Variants in HBS1L observed in about 807,000 individuals in gnomAD.
The protein encoded by HBS1L is HBS1 like translational GTPase.
Under a neutral mutation model 88.9 loss-of-function variants are expected in HBS1L, and 55 were observed. That is an observed-to-expected ratio of 0.62 (90% CI 0.50 to 0.77). The LOEUF is 0.77. HBS1L is among the 30% of genes least tolerant of loss of function. HBS1L has a pLI of 0.00. For synonymous variants in HBS1L, 267 were observed against 288.5 expected (o/e 0.93, Z 0.76); for missense variants, 741 against 829.3 (o/e 0.89, Z 1.31).
chr6:134,988,982 C>A (rs1345489939), intron 8 of HBS1L, among the ~76,000 whole-genome samples: 1 of 152,148 alleles, frequency 6.6e-6, no homozygotes, highest in Non-Finnish European at 1.5e-5. Context: ...CCTGTGTGGA[C>A]CATCTTGTGA....
intron 13 of HBS1L, 184 bp from the exon 14 acceptor site, chr6:134,979,452 T>C (rs1774755373): frequency 1.9e-6 from 1 of 537,312 alleles, no homozygotes; most frequent in Non-Finnish European, 3.4e-6. Context: ...GAACTGACTC[T>C]TCTAGAATAC....
chr6:134,970,338 G>A (rs2114747256), intron 15 of HBS1L, among the ~76,000 whole-genome samples: 1 of 152,202 alleles, frequency 6.6e-6, no homozygotes. Flanking sequence ...TCACCACGTT[G>A]GCCAGGCTGG....
intron 5 of HBS1L, among the ~76,000 whole-genome samples, chr6:135,000,912 G>C (rs187662545): frequency 6.6e-6 from 1 of 152,066 alleles, no homozygotes; most frequent in African/African-American, 2.4e-5. Flanking sequence ...GCTTTCTTAA[G>C]ACTAACCCAG....
chr6:135,024,058 A>G (rs1044766346), intron 4 of HBS1L, among the ~76,000 whole-genome samples: 3 of 152,184 alleles, frequency 2.0e-5, no homozygotes, highest in African/African-American at 4.8e-5. Flanking sequence ...ACATAATAAT[A>G]TCTACTCTGT....
At chr6:134,976,753 C>T (rs747608808) in intron 15 of HBS1L, among the ~76,000 whole-genome samples, 5 of 151,832 alleles carry the variant, frequency 3.3e-5, no homozygotes, top group Non-Finnish European at 7.4e-5. Flanking sequence ...GACTCAGTAG[C>T]GGGTAGGGCT....
chr6:135,003,489 C>T (rs1441507924), intron 4 of HBS1L, among the ~76,000 whole-genome samples: 1 of 151,574 alleles, frequency 6.6e-6, no homozygotes, highest in Non-Finnish European at 1.5e-5. Flanking sequence ...ATGGCTTGAG[C>T]CCAGGAGTTT....
chr6:135,028,281 CT>C (rs1292730897), intron 4 of HBS1L, among the ~76,000 whole-genome samples: 22 of 145,164 alleles, frequency 1.5e-4, no homozygotes, highest in Admixed American at 1.2e-3. Context: ...AAAAAAAATG[CT>C]GGGCAGAGAG....
In HBS1L at chr6:134,961,090, C is replaced by T. The variant is rs1471160342; in HGVS notation, c.*4189G>A. On this transcript the variant is annotated 3_prime_UTR_variant, in exon 18 of 18. Coordinates refer to ENST00000367837, the MANE Select transcript of HBS1L (RefSeq NM_006620.4). ...TTGCTGTACAGACTTAGTTTCTTTG[C>T]TTTTTTTTTTTTTTTTTTTGCATTG... is the stretch of plus-strand genomic sequence containing the variant. 27 of 106,218 alleles carry T rather than the reference C, an allele frequency of 2.5e-4. No homozygotes were observed. The highest frequency in any genetic ancestry group is 5.4e-4 in the Admixed American group (5 of 9,208). 6.6% of individuals were successfully genotyped at this position (106,218 alleles called of 1,614,324 possible). A position where few individuals can be genotyped will look rare whatever the true frequency, so the allele number is the denominator to read the frequency against.
In HBS1L at chr6:135,054,815, T is replaced by C; in HGVS notation, c.-124A>G. 8.2e-7 allele frequency: 1 copy of C among 1,220,130 alleles called. No individual in the cohort carries two copies. Among genetic ancestry groups the C allele is most frequent in the South Asian group, 1.3e-5 (1 of 75,746 alleles). 75.6% of individuals were successfully genotyped at this position (1,220,130 alleles called of 1,614,324 possible). A position where few individuals can be genotyped will look rare whatever the true frequency, so the allele number is the denominator to read the frequency against. ...GCGCCATCTTGGCTTCCCGCAGGCC[T>C]CTGCGCCGAGCGCCTGCGCAAGCGC... On this transcript the variant is annotated 5_prime_UTR_variant, in exon 1 of 18. Transcript: ENST00000367837.
chr6:135,049,984 C>T (rs1408539567), intron 2 of HBS1L, among the ~76,000 whole-genome samples: 1 of 152,236 alleles, frequency 6.6e-6, no homozygotes, highest in Non-Finnish European at 1.5e-5. Context: ...GGATTAATGA[C>T]TCAGCCTTTG....
At chr6:134,971,182 A>G (rs1774474856) in intron 15 of HBS1L, among the ~76,000 whole-genome samples, 2 of 152,086 alleles carry the variant, frequency 1.3e-5, no homozygotes, top group Admixed American at 6.5e-5. Flanking sequence ...ATGGCATTTG[A>G]GGAGTCAGAA....
At chr6:135,021,734 G>A (rs181923271) in intron 4 of HBS1L, among the ~76,000 whole-genome samples, 195 of 152,222 alleles carry the variant, frequency 1.3e-3, no homozygotes, top group African/African-American at 4.3e-3. Context: ...AAAGGGCACT[G>A]GAGATTCAAA....
intron 4 of HBS1L, among the ~76,000 whole-genome samples, chr6:135,014,257 C>T: frequency 6.6e-6 from 1 of 152,310 alleles, no homozygotes; most frequent in South Asian, 2.1e-4. Context: ...AAAATTACAA[C>T]AGTCCATAAA....
chr6:134,966,549 A>G, intron 16 of HBS1L, 76 bp from the exon 17 acceptor site: 1 of 977,566 alleles, frequency 1.0e-6, no homozygotes, highest in Non-Finnish European at 1.4e-6. Flanking sequence ...TGAAAAACAA[A>G]TATTTCACAT....
At chr6:135,009,859 T>C (rs1027227763) in intron 4 of HBS1L, among the ~76,000 whole-genome samples, 5 of 151,804 alleles carry the variant, frequency 3.3e-5, no homozygotes, top group Admixed American at 2.6e-4. Context: ...CTCGATCTCC[T>C]GACCTCGTGA....
intron 4 of HBS1L, chr6:135,036,472 T>C: frequency 7.3e-7 from 1 of 1,370,710 alleles, no homozygotes; most frequent in Middle Eastern, 2.0e-4. Flanking sequence ...AATCAGAATT[T>C]GAATCCCATA....
At chr6:134,996,707 A>G in intron 7 of HBS1L, 70 bp downstream of exon 7, 1 of 1,071,092 alleles carries the variant, frequency 9.3e-7, no homozygotes, top group Non-Finnish European at 1.3e-6. Context: ...TACAAATTCA[A>G]CACATATTAC....
chr6:135,018,102 C>T (rs935088200), intron 4 of HBS1L, among the ~76,000 whole-genome samples: 1 of 151,756 alleles, frequency 6.6e-6, no homozygotes, highest in African/African-American at 2.4e-5. Flanking sequence ...TACACACACA[C>T]AAATTAAGAT....
At chr6:134,969,685 G>A (rs1167318002) in intron 15 of HBS1L, among the ~76,000 whole-genome samples, 1 of 152,162 alleles carries the variant, frequency 6.6e-6, no homozygotes, top group African/African-American at 2.4e-5. Context: ...AACAAATGTT[G>A]TTGTCATTTT....
Sources: gnomAD v4.1 joint callset for allele counts (sites outside exome capture counted in the v4.1 genomes callset) on GRCh38, gnomAD v4.1.1 for gene constraint, MANE v1.5 for transcripts, NCBI Gene and HGNC (gene_info 2026-07-23, HGNC 2026-07-21) for gene names.